RBMS3: variants seen among roughly 807,000 people sequenced by gnomAD.
RBMS3 encodes the protein RNA-binding motif, single-stranded-interacting protein 3.
RBMS3 carries 27 observed loss-of-function variants against 66.8 expected under a neutral mutation model. The observed-to-expected ratio is 0.40, with a 90% CI of 0.30 to 0.56. The LOEUF (loss-of-function observed/expected upper bound fraction) is 0.56. Ranked by LOEUF, RBMS3 falls within the 20% of genes least tolerant of loss-of-function variation. The pLI, the probability that RBMS3 is intolerant of heterozygous loss-of-function variation, is 0.40. For synonymous variants in RBMS3, 188 were observed against 183.0 expected (o/e 1.03, Z -0.22); for missense variants, 513 against 549.5 (o/e 0.93, Z 0.66).
At chr3:29,437,480 G>A (rs979735961) in intron 2 of RBMS3, among the ~76,000 whole-genome samples, 1 of 152,254 alleles carries the variant, frequency 6.6e-6, no homozygotes, top group Admixed American at 6.5e-5. Context: ...TAAGTGAACA[G>A]AGGATAATAG....
intron 1 of RBMS3, among the ~76,000 whole-genome samples, 163 bp downstream of exon 1, chr3:29,281,919 A>C (rs1402633850): frequency 6.6e-6 from 1 of 152,180 alleles, no homozygotes; most frequent in Non-Finnish European, 1.5e-5. Context: ...GCAGAGGAAG[A>C]CATAAGAAGA....
chr3:29,851,352 G>A (rs994217489), intron 6 of RBMS3, among the ~76,000 whole-genome samples: 6 of 152,306 alleles, frequency 3.9e-5, no homozygotes, highest in Admixed American at 2.6e-4. Context: ...AAATAAGGAG[G>A]TGGGGATCGT....
chr3:29,984,189 C>T (rs1167261377), intron 12 of RBMS3, among the ~76,000 whole-genome samples: 1 of 151,842 alleles, frequency 6.6e-6, no homozygotes, highest in Non-Finnish European at 1.5e-5. Flanking sequence ...TCCTTTCTTC[C>T]ACTTGATCAA....
intron 12 of RBMS3, among the ~76,000 whole-genome samples, chr3:29,972,761 T>A (rs575490298): frequency 6.6e-6 from 1 of 152,172 alleles, no homozygotes; most frequent in East Asian, 1.9e-4. Context: ...GAAATGGAAT[T>A]TACTCTGTGT....
intron 2 of RBMS3, among the ~76,000 whole-genome samples, chr3:29,471,644 A>G (rs2042729303): frequency 6.6e-6 from 1 of 151,740 alleles, no homozygotes; most frequent in South Asian, 2.1e-4. Flanking sequence ...AAATATGGGC[A>G]TACAGCTTAT....
At chr3:29,796,800 C>A (rs1200670860) in intron 6 of RBMS3, among the ~76,000 whole-genome samples, 1 of 148,912 alleles carries the variant, frequency 6.7e-6, no homozygotes, top group South Asian at 2.1e-4. Flanking sequence ...GCAACCTCCA[C>A]CTCCTGGGTT....
chr3:29,537,488 G>A (rs895651297), intron 3 of RBMS3: 1 of 152,088 alleles, frequency 6.6e-6, no homozygotes, highest in Non-Finnish European at 1.5e-5. Context: ...TTCAAAGAAC[G>A]ATTGAGCCAT....
intron 4 of RBMS3, among the ~76,000 whole-genome samples, chr3:29,703,394 A>G (rs1461053289): frequency 2.0e-5 from 3 of 152,220 alleles, no homozygotes; most frequent in African/African-American, 7.2e-5. Flanking sequence ...AACATTGTCT[A>G]TAGGAAACAA....
intron 5 of RBMS3, among the ~76,000 whole-genome samples, chr3:29,746,307 T>C (rs2054889006): frequency 1.3e-5 from 2 of 152,200 alleles, no homozygotes; most frequent in Admixed American, 1.3e-4. Context: ...GCAATCCTTT[T>C]GCCGTTACTA....
At chr3:29,505,744 A>G (rs1245742844) in intron 3 of RBMS3, among the ~76,000 whole-genome samples, 1 of 151,154 alleles carries the variant, frequency 6.6e-6, no homozygotes, top group East Asian at 1.9e-4. Context: ...TGTATTCTTC[A>G]ATTTCTTTTA....
chr3:29,384,619 C>T (rs777042281), intron 1 of RBMS3, among the ~76,000 whole-genome samples: 12 of 151,986 alleles, frequency 7.9e-5, no homozygotes, highest in Admixed American at 6.6e-5. Context: ...GTTTTGCTAC[C>T]GATAATGATA....
intron 6 of RBMS3, among the ~76,000 whole-genome samples, chr3:29,768,382 A>T (rs750582825): frequency 4.6e-5 from 7 of 151,906 alleles, no homozygotes; most frequent in Non-Finnish European, 7.4e-5. Flanking sequence ...AACTGATTAG[A>T]TATATAAGAC....
intron 12 of RBMS3, among the ~76,000 whole-genome samples, chr3:29,974,842 T>TA (rs1176993504): frequency 1.6e-5 from 2 of 125,354 alleles, no homozygotes; most frequent in African/African-American, 6.9e-5. Flanking sequence ...TATATTTATA[T>TA]TTTTATATAT....
intron 11 of RBMS3, among the ~76,000 whole-genome samples, chr3:29,941,249 C>A (rs2061387389): frequency 6.6e-6 from 1 of 151,750 alleles, no homozygotes; most frequent in Non-Finnish European, 1.5e-5. Context: ...ATTTTTCAGT[C>A]ACACCACTCC....
intron 2 of RBMS3, among the ~76,000 whole-genome samples, chr3:29,442,296 C>G (rs1255296701): frequency 6.6e-6 from 1 of 151,910 alleles, no homozygotes; most frequent in Non-Finnish European, 1.5e-5. Flanking sequence ...TTGGGGGCAT[C>G]CTAGAAATTA....
At chr3:29,902,945 G>A (rs1442897817) in intron 10 of RBMS3, among the ~76,000 whole-genome samples, 1 of 151,884 alleles carries the variant, frequency 6.6e-6, no homozygotes, top group Non-Finnish European at 1.5e-5. Flanking sequence ...TTGCTAAGGA[G>A]GATGAATGGG....
At chr3:29,830,141 T>C (rs1168700378) in intron 6 of RBMS3, among the ~76,000 whole-genome samples, 4 of 152,206 alleles carry the variant, frequency 2.6e-5, no homozygotes, top group East Asian at 1.9e-4. Flanking sequence ...TGGGAGGTAG[T>C]CTTTTTTTTT....
chr3:29,928,747 C>A (rs949186070), intron 10 of RBMS3, among the ~76,000 whole-genome samples: 1 of 151,364 alleles, frequency 6.6e-6, no homozygotes, highest in African/African-American at 2.4e-5. Flanking sequence ...TCACTTGCTC[C>A]TCTCTTCTCC....
At chr3:29,501,613 A>G (rs1183035788) in intron 3 of RBMS3, among the ~76,000 whole-genome samples, 1 of 152,106 alleles carries the variant, frequency 6.6e-6, no homozygotes, top group Non-Finnish European at 1.5e-5. Context: ...CTGCATTAGC[A>G]TTTACCAACA....
Sources: gnomAD v4.1 joint callset for allele counts (sites outside exome capture counted in the v4.1 genomes callset) on GRCh38, gnomAD v4.1.1 for gene constraint, MANE v1.5 for transcripts, NCBI Gene and HGNC (gene_info 2026-07-23, HGNC 2026-07-21) for gene names.